DOCK5: variants seen among roughly 807,000 people sequenced by gnomAD.
DOCK5 encodes dedicator of cytokinesis 5, also known as dedicator of cytokinesis protein 5.
A neutral mutation model predicts 251.8 loss-of-function variants in DOCK5; 142 were observed. The observed-to-expected ratio is 0.56, with a 90% CI of 0.49 to 0.65. The LOEUF is 0.65. Among genes scored for constraint, DOCK5 ranks in the 30% least tolerant of loss-of-function variants. The probability of loss-of-function intolerance (pLI) is 0.00; values close to 1 mark genes in which losing one functional copy is unlikely to be tolerated. For missense variants in DOCK5, 2,111 were observed against 2,312.3 expected (o/e 0.91, Z 1.79); for synonymous variants, 842 against 835.5 (o/e 1.01, Z -0.13).
chr8:25,372,004 A>G (rs1800881488), intron 34 of DOCK5, among the ~76,000 whole-genome samples: 1 of 152,118 alleles, frequency 6.6e-6, no homozygotes, highest in Admixed American at 6.5e-5. Context: ...ATAACTCTGC[A>G]TTTTTTTCTG....
At chr8:25,194,735 G>T (rs1031560888) in intron 1 of DOCK5, among the ~76,000 whole-genome samples, 1 of 152,072 alleles carries the variant, frequency 6.6e-6, no homozygotes, top group Non-Finnish European at 1.5e-5. Flanking sequence ...CCCCAGAACC[G>T]CACTTTCCCC....
intron 14 of DOCK5, among the ~76,000 whole-genome samples, chr8:25,318,311 G>C (rs771274182): frequency 8.6e-5 from 13 of 151,732 alleles, no homozygotes; most frequent in East Asian, 1.9e-4. Context: ...GGCTGGTCTC[G>C]AACTCCTGAC....
Position 25,394,523 on chromosome 8 carries a change from T to G in DOCK5, c.4528-1020T>G, listed in dbSNP as rs1464187422. Among the ~76,000 whole-genome samples the G allele has an allele frequency of 2.0e-5, 3 of 148,782 alleles. No individual in the cohort carries two copies. In the East Asian group the frequency reaches 6.0e-4, roughly 30 times the overall value. ...ATTCATACTAAGATTATGTATGGTC[T>G]GAATGCATGGCCTCCAAGATCACTT... On this transcript the variant is annotated intron_variant, in intron 44 of 51. Coordinates refer to ENST00000276440, the MANE Select transcript of DOCK5 (RefSeq NM_024940.8).
chr8:25,196,922 G>C (rs1801743087), intron 1 of DOCK5, among the ~76,000 whole-genome samples: 1 of 152,222 alleles, frequency 6.6e-6, no homozygotes, highest in South Asian at 2.1e-4. Flanking sequence ...ATTTTGGCTG[G>C]GCACCGTGGC....
chr8:25,230,574 G>A (rs1481825841), intron 1 of DOCK5, among the ~76,000 whole-genome samples: 1 of 152,004 alleles, frequency 6.6e-6, no homozygotes, highest in Non-Finnish European at 1.5e-5. Context: ...TACCAGGCTG[G>A]GCATGGTGAC....
intron 21 of DOCK5, among the ~76,000 whole-genome samples, chr8:25,335,707 T>C (rs1805788810): frequency 1.3e-5 from 2 of 152,120 alleles, no homozygotes; most frequent in Non-Finnish European, 2.9e-5. Context: ...GAGCAACCTA[T>C]AACCCCAGAA....
intron 26 of DOCK5, among the ~76,000 whole-genome samples, chr8:25,349,038 A>G (rs1800421231): frequency 6.6e-6 from 1 of 152,170 alleles, no homozygotes; most frequent in Non-Finnish European, 1.5e-5. Context: ...TGATTTTATG[A>G]ATCACTTTCA....
chr8:25,329,546 A>G (rs1338807465), intron 18 of DOCK5, among the ~76,000 whole-genome samples: 2 of 152,320 alleles, frequency 1.3e-5, no homozygotes, highest in East Asian at 1.9e-4. Flanking sequence ...GAAGATTTGA[A>G]ATATCCTGAA....
chr8:25,338,280 A>C (rs1016461781), intron 22 of DOCK5, among the ~76,000 whole-genome samples: 1 of 152,026 alleles, frequency 6.6e-6, no homozygotes, highest in Non-Finnish European at 1.5e-5. Flanking sequence ...GGCTCAAGGG[A>C]TCTGCCCACC....
At chr8:25,247,070 A>C (rs1169779511) in intron 2 of DOCK5, among the ~76,000 whole-genome samples, 1 of 151,690 alleles carries the variant, frequency 6.6e-6, no homozygotes, top group African/African-American at 2.4e-5. Context: ...TATTTATTTT[A>C]ATGGACACAA....
At chr8:25,316,264 G>A (rs1805248617) in intron 13 of DOCK5, among the ~76,000 whole-genome samples, 1 of 152,202 alleles carries the variant, frequency 6.6e-6, no homozygotes, top group Admixed American at 6.5e-5. Context: ...CAGATTGCTT[G>A]AGTCCAGGAG....
At position 25,374,568 on chromosome 8, in the gene DOCK5, C is replaced by G. The variant is rs1342514912; in HGVS notation, c.3730C>G (p.Leu1244Val). The change falls in exon 37 of 52, where the codon CTG becomes GTG. Residue 1244 changes from leucine (L) to valine (V), a missense_variant. Leu to Val is a conservative substitution (Grantham distance 32). Around this residue, in one of 3 missense-constraint regions of DOCK5, gnomAD observed 1,717 missense variants for 1,892.4 expected, o/e 0.91. Transcript: ENST00000276440. ...TCCTTCTCCCCTTCTTGCCAGATAT[C>G]TGTACAAGCTTCGAGATTTGCACCG... Reference protein sequence around the residue: ...KKREDIYIRYLYKLRDLHRDC... With the variant: ...KKREDIYIRYVYKLRDLHRDC... 6.2e-7 allele frequency: 1 copy of G among 1,602,254 alleles called. No individual in the cohort carries two copies. The highest frequency in any genetic ancestry group is 1.7e-4 in the Middle Eastern group (1 of 5,978).
At chr8:25,401,520 G>A (rs1186574509) in intron 47 of DOCK5, among the ~76,000 whole-genome samples, 1 of 152,136 alleles carries the variant, frequency 6.6e-6, no homozygotes, top group South Asian at 2.1e-4. Flanking sequence ...ATCACTTGTG[G>A]TCAGGAGTTC....
Position 25,314,709 on chromosome 8 carries a change from C to T in DOCK5, c.1319-2298C>T, listed in dbSNP as rs2465005. Among the ~76,000 whole-genome samples, 141 of 132,766 alleles carry T rather than the reference C, an allele frequency of 1.1e-3. 1 individual carries two copies. The highest frequency in any genetic ancestry group is 1.5e-3 in the South Asian group (6 of 4,062). 87.1% of individuals were successfully genotyped at this position (132,766 alleles called of 152,430 possible). Reference sequence around the variant, plus strand: ...ATCCATCCATCCATCCATCCATCCACGTACCCAACCTCTATCCACCCATCC... The same window carrying T: ...ATCCATCCATCCATCCATCCATCCATGTACCCAACCTCTATCCACCCATCC... On this transcript the variant is annotated intron_variant, in intron 13 of 51. Coordinates refer to ENST00000276440, the MANE Select transcript of DOCK5 (RefSeq NM_024940.8).
chr8:25,184,969 C>A lies in DOCK5; in HGVS notation c.43+18C>A. 3 of 1,384,232 alleles carry A rather than the reference C, an allele frequency of 2.2e-6. No individual in the cohort carries two copies. Among genetic ancestry groups the A allele is most frequent in the Non-Finnish European group, 2.8e-6 (3 of 1,057,992 alleles). The allele number at this position is 1,384,232 out of a possible 1,614,324, so 85.7% of individuals were successfully genotyped here. ...CGGGGTTGGTGAGTGCGCGCCCCACCTTGTCCCGGCCCGACCCACGCGGCC... is the reference window on the plus strand; with the variant it reads ...CGGGGTTGGTGAGTGCGCGCCCCACATTGTCCCGGCCCGACCCACGCGGCC... On this transcript the variant is annotated intron_variant, in intron 1 of 51. Coordinates refer to ENST00000276440, the MANE Select transcript of DOCK5 (RefSeq NM_024940.8).
At chr8:25,374,539 T>C (rs1238932213) in intron 36 of DOCK5, 25 bp from the exon 37 acceptor site, 11 of 1,586,078 alleles carry the variant, frequency 6.9e-6, no homozygotes, top group Non-Finnish European at 8.6e-6. Flanking sequence ...AGTGACAAAA[T>C]GCTTCCTTCT....
At chr8:25,202,598 G>T (rs1479641647) in intron 1 of DOCK5, among the ~76,000 whole-genome samples, 1 of 152,180 alleles carries the variant, frequency 6.6e-6, no homozygotes, top group Non-Finnish European at 1.5e-5. Context: ...TGCTGGGCTG[G>T]ATGGTGGTGA....
chr8:25,206,386 G>C (rs1802001112), intron 1 of DOCK5, among the ~76,000 whole-genome samples: 1 of 152,116 alleles, frequency 6.6e-6, no homozygotes, highest in Non-Finnish European at 1.5e-5. Context: ...ACTTGAGTTT[G>C]TAGCATTCAC....
intron 1 of DOCK5, among the ~76,000 whole-genome samples, chr8:25,228,861 C>T (rs376729537): frequency 2.6e-5 from 4 of 151,972 alleles, no homozygotes; most frequent in South Asian, 2.1e-4. Flanking sequence ...TTGAACTCTT[C>T]GTAAGATTAC....
Sources: allele counts gnomAD v4.1 joint callset (sites outside exome capture counted in the v4.1 genomes callset), GRCh38; gene constraint gnomAD v4.1.1; regional missense constraint gnomAD v4.1.1; transcripts MANE v1.5; gene names NCBI Gene and HGNC (gene_info 2026-07-23, HGNC 2026-07-21).